TMEM132B: variants seen among roughly 807,000 people sequenced by gnomAD.
TMEM132B encodes transmembrane protein 132B.
A neutral mutation model predicts 90.8 loss-of-function variants in TMEM132B; 18 were observed. That is an observed-to-expected ratio of 0.20 (90% CI 0.14 to 0.29). The LOEUF (loss-of-function observed/expected upper bound fraction) is 0.29. TMEM132B is among the 10% of genes least tolerant of loss of function. The pLI is 1.00. For missense variants in TMEM132B, 1,096 were observed against 1,326.8 expected (o/e 0.83, Z 2.70); for synonymous variants, 504 against 523.3 (o/e 0.96, Z 0.50).
intron 1 of TMEM132B, among the ~76,000 whole-genome samples, chr12:125,228,724 G>A (rs1042773289): frequency 3.9e-5 from 6 of 152,200 alleles, no homozygotes; most frequent in Admixed American, 2.0e-4. Flanking sequence ...CCGACCCCCT[G>A]TTGGCTGCTA....
intron 3 of TMEM132B, among the ~76,000 whole-genome samples, chr12:125,513,619 A>T (rs1566059223): frequency 6.6e-6 from 1 of 152,046 alleles, no homozygotes; most frequent in African/African-American, 2.4e-5. Flanking sequence ...TTTCCTATGA[A>T]TTTTTTAGCT....
At chr12:125,200,320 G>C (rs915805824) in intron 1 of TMEM132B, among the ~76,000 whole-genome samples, 7 of 152,218 alleles carry the variant, frequency 4.6e-5, no homozygotes, top group African/African-American at 1.7e-4. Context: ...ATTCTCTCAA[G>C]AGGTAATCAA....
rs367953661 is a variant in TMEM132B at position 125,492,234 on chromosome 12, C to A, written c.1107-27205C>A. Among the ~76,000 whole-genome samples, 262 of 152,324 alleles carry A rather than the reference C, an allele frequency of 1.7e-3. 2 individuals carry two copies. Among genetic ancestry groups the A allele is most frequent in the African/African-American group, 6.1e-3 (254 of 41,578 alleles). On this transcript the variant is annotated intron_variant, in intron 3 of 8. Transcript: ENST00000682704. The surrounding 1 kb of genome is among the most constrained non-coding windows in gnomAD (Gnocchi z 5.8). ...TCGCTGGCCACTTGTGCAAATGTTT[C>A]CTGTGCAAGTTACACCTGCCGTGGC...
intron 3 of TMEM132B, among the ~76,000 whole-genome samples, chr12:125,441,480 G>T (rs1164982295): frequency 1.3e-5 from 2 of 152,236 alleles, no homozygotes; most frequent in African/African-American, 4.8e-5. Flanking sequence ...AAAGGGCTTA[G>T]ATTTCACCAG....
chr12:125,421,534 C>G (rs1388810548), intron 3 of TMEM132B, among the ~76,000 whole-genome samples: 2 of 152,218 alleles, frequency 1.3e-5, no homozygotes, highest in African/African-American at 2.4e-5. Context: ...CACTGGGTCC[C>G]TCTCACAACA....
In TMEM132B at chr12:125,444,157, T is replaced by C. The variant is rs143179700; in HGVS notation, c.1106+28480T>C. ...CACTCCTAAATATTGGCACGACATCTCACTTTGTAAATTCATGTTTTATAG... is the reference window on the plus strand; with the variant it reads ...CACTCCTAAATATTGGCACGACATCCCACTTTGTAAATTCATGTTTTATAG... On this transcript the variant is annotated intron_variant, in intron 3 of 8. Transcript: ENST00000682704. Among the ~76,000 whole-genome samples, 674 of 152,322 alleles carry C rather than the reference T, an allele frequency of 4.4e-3. 6 individuals carry two copies. The highest frequency in any genetic ancestry group is 0.015 in the African/African-American group (612 of 41,568).
chr12:125,375,637 T>C (rs904556265), intron 2 of TMEM132B, among the ~76,000 whole-genome samples: 38 of 152,184 alleles, frequency 2.5e-4, no homozygotes, highest in African/African-American at 8.9e-4. Flanking sequence ...GGCTGCCGGC[T>C]CTCTTTGAGG....
intron 4 of TMEM132B, among the ~76,000 whole-genome samples, chr12:125,521,074 C>T (rs1270485579): frequency 6.6e-6 from 1 of 152,194 alleles, no homozygotes; most frequent in African/African-American, 2.4e-5. Context: ...TATAAATTCT[C>T]CAGCTCAGCT....
chr12:125,423,611 A>G (rs1880231896), intron 3 of TMEM132B, among the ~76,000 whole-genome samples: 1 of 152,238 alleles, frequency 6.6e-6, no homozygotes, highest in Non-Finnish European at 1.5e-5. Context: ...TTTCATCTTA[A>G]GTATAACAAA....
intron 4 of TMEM132B, among the ~76,000 whole-genome samples, chr12:125,544,127 C>T (rs1850058113): frequency 6.6e-6 from 1 of 152,280 alleles, no homozygotes; most frequent in Non-Finnish European, 1.5e-5. Flanking sequence ...CATGTTCTCA[C>T]TCATAGGTGG....
chr12:125,424,703 G>A (rs1880263745), intron 3 of TMEM132B, among the ~76,000 whole-genome samples: 1 of 152,200 alleles, frequency 6.6e-6, no homozygotes, highest in South Asian at 2.1e-4. Flanking sequence ...GGGAGAACCA[G>A]TGGCTGACGC....
chr12:125,261,601 G>A (rs767897021), intron 1 of TMEM132B, among the ~76,000 whole-genome samples: 1 of 152,134 alleles, frequency 6.6e-6, no homozygotes, highest in African/African-American at 2.4e-5. Context: ...CTCCACAAGT[G>A]CAGAAAATTC....
chr12:125,490,966 A>G lies in TMEM132B; in HGVS notation c.1107-28473A>G, dbSNP rs1272816605. On this transcript the variant is annotated intron_variant, in intron 3 of 8. Coordinates refer to ENST00000682704, the MANE Select transcript of TMEM132B (RefSeq NM_001366854.1). This position sits in a 1 kb window ranked among gnomAD's most constrained non-coding sequence, Gnocchi z 4.2. ...CTCAAGCAGCTTTATGGAGAGGCCC[A>G]TGTGGTGAAAGACTGAGGCCTCCTG... 6.6e-6 allele frequency among the ~76,000 whole-genome samples: 1 copy of G among 152,160 alleles called. No individual in the cohort carries two copies. The highest frequency in any genetic ancestry group is 1.9e-4 in the East Asian group (1 of 5,182).
chr12:125,571,897 C>T (rs75014113), intron 4 of TMEM132B, among the ~76,000 whole-genome samples: 2,218 of 152,266 alleles, frequency 0.015, 44 homozygotes, highest in African/African-American at 0.049. Context: ...CAAATTTTAT[C>T]TATTATTGCA....
At chr12:125,360,859 A>C (rs1344845306) in intron 2 of TMEM132B, among the ~76,000 whole-genome samples, 2 of 151,986 alleles carry the variant, frequency 1.3e-5, no homozygotes, top group African/African-American at 4.8e-5. Context: ...CTGAGTGATT[A>C]GAATCAATAA....
At chr12:125,321,827 A>G (rs1876432526) in intron 1 of TMEM132B, among the ~76,000 whole-genome samples, 1 of 152,028 alleles carries the variant, frequency 6.6e-6, no homozygotes, top group South Asian at 2.1e-4. Flanking sequence ...ATGACCCAGC[A>G]ATTCCACTGC....
intron 5 of TMEM132B, among the ~76,000 whole-genome samples, chr12:125,642,239 T>G (rs974762823): frequency 6.6e-6 from 1 of 152,136 alleles, no homozygotes; most frequent in African/African-American, 2.4e-5. Flanking sequence ...AATAAGAACA[T>G]GACCCTCCAC....
intron 4 of TMEM132B, among the ~76,000 whole-genome samples, chr12:125,521,790 C>A (rs1205641940): frequency 6.6e-6 from 1 of 152,178 alleles, no homozygotes; most frequent in East Asian, 1.9e-4. Flanking sequence ...CTGGCTTCTG[C>A]CTCCCTCCTC....
intron 2 of TMEM132B, among the ~76,000 whole-genome samples, chr12:125,387,827 G>A (rs1386869968): frequency 6.6e-6 from 1 of 152,044 alleles, no homozygotes; most frequent in African/African-American, 2.4e-5. Flanking sequence ...TTAACTAACA[G>A]CAAAAGGCAA....
Sources: gnomAD v4.1 joint callset for allele counts (sites outside exome capture counted in the v4.1 genomes callset) on GRCh38, gnomAD v4.1.1 for gene constraint, Gnocchi (gnomAD v3.1) non-coding constraint, MANE v1.5 for transcripts, NCBI Gene and HGNC (gene_info 2026-07-23, HGNC 2026-07-21) for gene names.